The following STAP2 variants were observed in gnomAD, a reference collection of about 807,000 sequenced individuals.
STAP2 encodes the protein signal transducing adaptor family member 2.
Under a neutral mutation model 52.7 loss-of-function variants are expected in STAP2, and 58 were observed. The observed-to-expected ratio is 1.10, with a 90% CI of 0.89 to 1.37. The LOEUF (loss-of-function observed/expected upper bound fraction) is 1.37. STAP2 is among the 40% of genes most tolerant of loss of function. STAP2 has a pLI of 0.00. For missense variants in STAP2, 522 were observed against 519.4 expected (o/e 1.00, Z -0.05); for synonymous variants, 231 against 210.5 (o/e 1.10, Z -0.84).
intron 3 of STAP2, 115 bp from the exon 4 acceptor site, chr19:4,332,193 CTTCT>C (rs1971903240): frequency 5.7e-5 from 18 of 317,060 alleles, no homozygotes; most frequent in Admixed American, 8.4e-5. Context: ...TTTTCTTTTT[CTTCT>C]TTTTTTTTTT....
chr19:4,328,718 C>A lies in STAP2; in HGVS notation c.547G>T (p.Gly183Cys), dbSNP rs375801724. The A allele has an allele frequency of 6.2e-7, 1 of 1,607,902 alleles. No individual in the cohort carries two copies. The highest frequency in any genetic ancestry group is 8.5e-7 in the Non-Finnish European group (1 of 1,177,974). Residue 183 changes from glycine (G) to cysteine (C), a missense_variant, in exon 6 of 13, where the codon GGC becomes TGC. Physicochemically the swap from Gly to Cys is radical, Grantham distance 159 (BLOSUM62 -3). Coordinates refer to ENST00000594605, the MANE Select transcript of STAP2 (RefSeq NM_001013841.2). ...GNLLLRPSGD[G>C]ADGVSVTTRQ... is the part of the protein sequence containing the mutation. ...GTGGTGACCGACACGCCGTCGGCGC[C>A]GTCCCCGCTGGGCCGCAGCAGCAGG...
At chr19:4,336,844 A>G (rs1027535139) in intron 1 of STAP2, among the ~76,000 whole-genome samples, 3 of 151,494 alleles carry the variant, frequency 2.0e-5, no homozygotes, top group African/African-American at 7.3e-5. Flanking sequence ...CATATTGGCC[A>G]GGTTGGTCTT....
intron 4 of STAP2, among the ~76,000 whole-genome samples, chr19:4,331,193 G>A (rs1196802436): frequency 1.3e-5 from 2 of 151,794 alleles, no homozygotes; most frequent in African/African-American, 4.8e-5. Context: ...AGTCAGATGT[G>A]GTAGTGTGTG....
At chr19:4,334,134 G>T in intron 1 of STAP2, 90 bp from the exon 2 acceptor site, 1 of 1,111,132 alleles carries the variant, frequency 9.0e-7, no homozygotes, top group Non-Finnish European at 1.3e-6. Flanking sequence ...CTTTGCACTG[G>T]TTGTGCTCTC....
At chr19:4,329,038 T>C (rs1971844896) in intron 5 of STAP2, 2 of 566,164 alleles carry the variant, frequency 3.5e-6, no homozygotes, top group East Asian at 3.4e-5. Flanking sequence ...TTCGCTCTTG[T>C]TGCCCAGGCT....
At chr19:4,331,197 G>C (rs1971884774) in intron 4 of STAP2, among the ~76,000 whole-genome samples, 1 of 151,606 alleles carries the variant, frequency 6.6e-6, no homozygotes, top group African/African-American at 2.4e-5. Flanking sequence ...AGATGTGGTA[G>C]TGTGTGTCTG....
In STAP2 at chr19:4,324,069, GA is replaced by G; in HGVS notation, c.*63del. The G allele has an allele frequency of 2.0e-6, 3 of 1,518,090 alleles. No individual in the cohort carries two copies. Among genetic ancestry groups the G allele is most frequent in the East Asian group, 4.9e-5 (2 of 40,756 alleles). 94.0% of individuals were successfully genotyped at this position (1,518,090 alleles called of 1,614,324 possible). A position where few individuals can be genotyped will look rare whatever the true frequency, so the allele number is the denominator to read the frequency against. ...CCTGGGGTCAGAGTTTTAATCCTGGGAAAAAGAATCTGGCCGCTGGGCCATG... is the reference window on the plus strand; with the variant it reads ...CCTGGGGTCAGAGTTTTAATCCTGGGAAAAGAATCTGGCCGCTGGGCCATG... On this transcript the variant is annotated 3_prime_UTR_variant, in exon 13 of 13. Transcript: ENST00000594605.
rs1971927173 is a variant in STAP2 at position 4,333,589 on chromosome 19, G to A, written c.297+105C>T. ...CCAAGTCTTACCCAGGGCCCACAGG[G>A]CCCTGTACTACCTGCCCCTTCGTGG... On this transcript the variant is annotated intron_variant, in intron 3 of 12. Transcript: ENST00000594605. 4 of 1,460,296 alleles carry A rather than the reference G, an allele frequency of 2.7e-6. No homozygotes were observed. In the South Asian group the frequency reaches 4.3e-5, roughly 16 times the overall value. 90.5% of individuals were successfully genotyped at this position (1,460,296 alleles called of 1,614,324 possible).
At position 4,324,360 on chromosome 19, in the gene STAP2, TAAAA is replaced by T. The variant is rs1475290336; in HGVS notation, c.1147+91_1147+94del. ...TTTCAAGACAGAGACAGCAGAACCT[TAAAA>T]GACAGGGCGCTTCGGAGTGTGGGGA... On this transcript the variant is annotated intron_variant, in intron 12 of 12. Transcript: ENST00000594605. 31 of 1,355,904 alleles carry T rather than the reference TAAAA, an allele frequency of 2.3e-5. No homozygotes were observed. The East Asian group carries it at 7.5e-4, about 33-fold the overall frequency. 84.0% of individuals were successfully genotyped at this position (1,355,904 alleles called of 1,614,324 possible).
Position 4,334,164 on chromosome 19 carries a change from A to T in STAP2, c.103-120T>A. On this transcript the variant is annotated intron_variant, in intron 1 of 12. Transcript: ENST00000594605. ...GCTCTCTGCCCCACGCTGCCCCCAG[A>T]TCTTTATTACCTCCTGCCTTGAGTT... The T allele has an allele frequency of 4.1e-6, 3 of 729,488 alleles. No individual in the cohort carries two copies. In the South Asian group the frequency reaches 5.9e-5, roughly 14 times the overall value. 45.2% of individuals were successfully genotyped at this position (729,488 alleles called of 1,614,324 possible).
rs752793893 is a variant in STAP2 at position 4,332,084 on chromosome 19, G to C, written c.298-6C>G. ...CGACACTCCAAGGTCTCTACCTGGG[G>C]AACAAAAGAAAGGAAAGAATCCAAG... On this transcript the variant is annotated splice_polypyrimidine_tract_variant and splice_region_variant and intron_variant, in intron 3 of 12. Transcript: ENST00000594605. The C allele has an allele frequency of 6.2e-7, 1 of 1,607,892 alleles. No individual in the cohort carries two copies. Among genetic ancestry groups the C allele is most frequent in the Non-Finnish European group, 8.5e-7 (1 of 1,178,368 alleles).
At chr19:4,325,166 T>C (rs1387493546) in intron 11 of STAP2, 50 bp downstream of exon 11, 1 of 1,453,146 alleles carries the variant, frequency 6.9e-7, no homozygotes, top group East Asian at 2.5e-5. Context: ...AGATGAGGGC[T>C]GAGGCTGGCC....
Position 4,327,211 on chromosome 19 carries a change from G to T in STAP2, c.676C>A (p.Leu226Met). 1 of 1,614,108 alleles carries T rather than the reference G, an allele frequency of 6.2e-7. No homozygotes were observed. The highest frequency in any genetic ancestry group is 8.5e-7 in the Non-Finnish European group (1 of 1,180,020). ...DVEQPFSCTSLDAVVNYFVSH... is the reference protein window; with the variant it reads ...DVEQPFSCTSMDAVVNYFVSH... ...ACGAAATAGTTGACCACGGCGTCCA[G>T]GGAGGTGCAAGAGAACTGGGGGCAG... Residue 226 changes from leucine to methionine, a missense_variant, in exon 8 of 13, where the codon CTG (leucine) becomes ATG (methionine). Physicochemically the swap from Leu to Met is conservative, Grantham distance 15 (BLOSUM62 2). Transcript: ENST00000594605.
intron 11 of STAP2, 21 bp from the exon 12 acceptor site, chr19:4,324,550 G>A (rs1482676443): frequency 6.4e-7 from 1 of 1,556,560 alleles, no homozygotes; most frequent in Non-Finnish European, 8.7e-7. Flanking sequence ...AGACAGATGA[G>A]GCCAGGTGTG....
intron 6 of STAP2, among the ~76,000 whole-genome samples, chr19:4,328,400 C>A: frequency 6.8e-6 from 1 of 148,010 alleles, no homozygotes; most frequent in Non-Finnish European, 1.5e-5. Context: ...TGACTCCACC[C>A]GCCCCAGCTC....
intron 1 of STAP2, among the ~76,000 whole-genome samples, chr19:4,335,565 G>A (rs988799343): frequency 3.9e-5 from 6 of 152,072 alleles, no homozygotes; most frequent in African/African-American, 9.7e-5. Context: ...CTGTCCATCC[G>A]TAGACACAAG....
In STAP2 at chr19:4,324,410, C is replaced by T. The variant is rs200393173; in HGVS notation, c.1147+45G>A. ...GGGGACTTGTGTGACTGTACGGTCA[C>T]ACACCTGGGAAGCCCGCCCCGCACT... On this transcript the variant is annotated intron_variant, in intron 12 of 12. Coordinates refer to ENST00000594605, the MANE Select transcript of STAP2 (RefSeq NM_001013841.2). 820 of 1,494,566 alleles carry T rather than the reference C, an allele frequency of 5.5e-4. 5 individuals are homozygous for T. The highest frequency in any genetic ancestry group is 5.8e-5 in the Non-Finnish European group (64 of 1,107,884). The allele number at this position is 1,494,566 out of a possible 1,614,324, so 92.6% of individuals were successfully genotyped here.
chr19:4,330,113 G>A (rs751701108), intron 4 of STAP2, 52 bp from the exon 5 acceptor site: 164 of 1,458,246 alleles, frequency 1.1e-4, no homozygotes, highest in South Asian at 4.3e-4. Flanking sequence ...GGGAATGGAC[G>A]GCTGTGCCCA....
At position 4,327,153 on chromosome 19, in the gene STAP2, A is replaced by G. The variant is rs1455190627; in HGVS notation, c.734T>C (p.Leu245Pro). The change falls in exon 8 of 13, where the codon CTG becomes CCG. Residue 245 changes from leucine (L) to proline (P), a missense_variant. Physicochemically the swap from Leu to Pro is moderately conservative, Grantham distance 98. Coordinates refer to ENST00000594605, the MANE Select transcript of STAP2 (RefSeq NM_001013841.2). ...CACCTTCTCGTAGTCCTCGTCTAACAGGAATGGCACCAGCGCCTTTTTGGT... is the reference window on the plus strand; with the variant it reads ...CACCTTCTCGTAGTCCTCGTCTAACGGGAATGGCACCAGCGCCTTTTTGGT... ...SHTKKALVPF[L>P]LDEDYEKVLG... The G allele has an allele frequency of 1.2e-6, 2 of 1,614,210 alleles. No homozygotes were observed. Among genetic ancestry groups the G allele is most frequent in the Non-Finnish European group, 1.7e-6 (2 of 1,180,020 alleles).
Sources: gnomAD v4.1 joint callset for allele counts (sites outside exome capture counted in the v4.1 genomes callset) on GRCh38, gnomAD v4.1.1 for gene constraint, MANE v1.5 for transcripts, NCBI Gene and HGNC (gene_info 2026-07-23, HGNC 2026-07-21) for gene names.